USH2A: variants seen among roughly 807,000 people sequenced by gnomAD.
USH2A encodes Usher syndrome 2A (autosomal recessive, mild).
In USH2A, 443 loss-of-function variants were observed where a neutral mutation model predicts 538.9. The ratio of observed to expected loss-of-function variants is 0.82; its 90% CI spans 0.76 to 0.89. The LOEUF is 0.89. Ranked by LOEUF, USH2A falls within the 40% of genes least tolerant of loss-of-function variation. The pLI, the probability that USH2A is intolerant of heterozygous loss-of-function variation, is 0.00. For synonymous variants in USH2A, 2,413 were observed against 2,273.5 expected (o/e 1.06, Z -1.75); for missense variants, 6,633 against 6,324.8 (o/e 1.05, Z -1.65).
chr1:216,231,583 C>T (rs1416622656), intron 14 of USH2A, among the ~76,000 whole-genome samples: 1 of 151,166 alleles, frequency 6.6e-6, no homozygotes, highest in Non-Finnish European at 1.5e-5. Flanking sequence ...GAGTCTTGCC[C>T]TGTCTCCCAG....
intron 32 of USH2A, among the ~76,000 whole-genome samples, chr1:216,033,199 C>T (rs894596755): frequency 3.3e-5 from 5 of 152,190 alleles, no homozygotes; most frequent in Admixed American, 1.3e-4. Flanking sequence ...AAAAAGGAAA[C>T]TCTGTGGACC....
At chr1:216,373,525 G>T (rs186338993) in intron 3 of USH2A, among the ~76,000 whole-genome samples, 219 of 152,222 alleles carry the variant, frequency 1.4e-3, no homozygotes, top group African/African-American at 5.0e-3. Context: ...GTAGTACAAA[G>T]AATTTTTTCT....
At position 215,990,917 on chromosome 1, in the gene USH2A, A is replaced by AT. The variant is rs1330362542; in HGVS notation, c.6805+2102dup. ...GCTGGGACTACAGGCACCTGCCACT[A>AT]TGCCCGGCTAATTTTTTGTATTTTT... On this transcript the variant is annotated intron_variant, in intron 35 of 71. Coordinates refer to ENST00000307340, the MANE Select transcript of USH2A (RefSeq NM_206933.4). 3.3e-5 allele frequency among the ~76,000 whole-genome samples: 5 copies of AT among 151,846 alleles called. No homozygotes were observed. The East Asian group carries it at 7.7e-4, about 24-fold the overall frequency.
intron 33 of USH2A, 43 bp downstream of exon 33, chr1:216,000,360 C>A (rs1275431149): frequency 6.2e-7 from 1 of 1,612,316 alleles, no homozygotes; most frequent in Non-Finnish European, 8.5e-7. Context: ...CACTGAGATT[C>A]TTGCATGAAC....
intron 47 of USH2A, among the ~76,000 whole-genome samples, chr1:215,818,255 A>G (rs771811264): frequency 1.3e-5 from 2 of 151,840 alleles, no homozygotes; most frequent in African/African-American, 2.4e-5. Flanking sequence ...TCAAGAGTCA[A>G]CTATATATCT....
intron 64 of USH2A, among the ~76,000 whole-genome samples, chr1:215,653,491 A>T (rs770636552): frequency 6.6e-6 from 1 of 152,178 alleles, no homozygotes; most frequent in Non-Finnish European, 1.5e-5. Context: ...GGATCAACCT[A>T]TTTACATGAG....
intron 61 of USH2A, among the ~76,000 whole-genome samples, chr1:215,690,864 C>T (rs1038129125): frequency 1.1e-4 from 16 of 152,238 alleles, no homozygotes; most frequent in East Asian, 3.9e-4. Context: ...CTTTCCCACT[C>T]TCAGCACTGC....
At chr1:216,410,150 T>C (rs577960115) in intron 3 of USH2A, among the ~76,000 whole-genome samples, 44 of 132,050 alleles carry the variant, frequency 3.3e-4, no homozygotes, top group African/African-American at 1.7e-3. Context: ...CAATGAAAGA[T>C]ACCATCTCAC....
chr1:215,996,980 C>T (rs1190503105), intron 34 of USH2A, among the ~76,000 whole-genome samples: 5 of 152,018 alleles, frequency 3.3e-5, no homozygotes, highest in Admixed American at 6.6e-5. Context: ...AGCTCTTAGT[C>T]GACATGCTAA....
chr1:215,682,244 C>T (rs186915919), intron 61 of USH2A, among the ~76,000 whole-genome samples: 1 of 152,178 alleles, frequency 6.6e-6, no homozygotes, highest in African/African-American at 2.4e-5. Context: ...ATAGTAATCA[C>T]CTCTAACAGA....
intron 30 of USH2A, among the ~76,000 whole-genome samples, chr1:216,050,540 C>G (rs1485785037): frequency 7.2e-6 from 1 of 138,426 alleles, no homozygotes; most frequent in Non-Finnish European, 1.6e-5. Context: ...CCTCTACATG[C>G]TACTAGACAA....
At chr1:215,726,761 C>A (rs79660788) in intron 61 of USH2A, among the ~76,000 whole-genome samples, 378 of 152,270 alleles carry the variant, frequency 2.5e-3, no homozygotes, top group Non-Finnish European at 4.2e-3. Flanking sequence ...CATGAAGCAT[C>A]TTCAGTTTGA....
At position 216,418,597 on chromosome 1, in the gene USH2A, T is replaced by C. The variant is rs768142940; in HGVS notation, c.568A>G (p.Thr190Ala). 6.2e-7 allele frequency: 1 copy of C among 1,613,398 alleles called. No individual in the cohort carries two copies. The highest frequency in any genetic ancestry group is 1.7e-5 in the Admixed American group (1 of 59,914). The part of the protein sequence containing the change: ...SEKETMFYYR[T>A]VNGLQPPIKV... ...ATTGGAGGTTGCAAACCATTTACTG[T>C]GCGATAATAAAACATGGTCTCTTTC... The change falls in exon 3 of 72, where the codon ACA (threonine) becomes GCA (alanine). Residue 190 changes from threonine (T) to alanine (A), a missense_variant. Thr to Ala is a moderately conservative substitution (Grantham distance 58, BLOSUM62 0). Transcript: ENST00000307340.
intron 56 of USH2A, 77 bp downstream of exon 56, chr1:215,766,604 T>G (rs1041159414): frequency 6.2e-6 from 8 of 1,292,158 alleles, no homozygotes; most frequent in Non-Finnish European, 7.9e-6. Context: ...TTATTTGTTA[T>G]GAAGGAGTTT....
At position 215,995,444 on chromosome 1, in the gene USH2A, A is replaced by G. The variant is rs17025841; in HGVS notation, c.6658-2277T>C. 0.015 allele frequency among the ~76,000 whole-genome samples: 2,324 copies of G among 152,310 alleles called. 182 individuals are homozygous for G. The South Asian group carries it at 0.2, about 13-fold the overall frequency. ...TTTTGGATGCATTTAGAGGGTCCTA[A>G]GTAAGCAGGACATTATCTTAGTTCC... On this transcript the variant is annotated intron_variant, in intron 34 of 71. Coordinates refer to ENST00000307340, the MANE Select transcript of USH2A (RefSeq NM_206933.4).
At position 216,230,871 on chromosome 1, in the gene USH2A, A is replaced by ATC. The variant is rs1558331248; in HGVS notation, c.2993+1080_2993+1081dup. On this transcript the variant is annotated intron_variant, in intron 14 of 71. Coordinates refer to ENST00000307340, the MANE Select transcript of USH2A (RefSeq NM_206933.4). ...AGTCTGAACTTTAGACAAGCTCATA[A>ATC]TCTCACTCTCTCTCTCTCTCTCTCT... Among the ~76,000 whole-genome samples the ATC allele has an allele frequency of 8.0e-5, 6 of 74,992 alleles. No individual in the cohort carries two copies. The East Asian group carries it at 2.2e-3, about 28-fold the overall frequency. 49.2% of individuals were successfully genotyped at this position (74,992 alleles called of 152,430 possible).
chr1:216,043,135 C>T (rs1368806958), intron 32 of USH2A, among the ~76,000 whole-genome samples: 1 of 151,986 alleles, frequency 6.6e-6, no homozygotes, highest in Non-Finnish European at 1.5e-5. Context: ...AAAATATGAG[C>T]AACAAGCAGA....
At chr1:215,911,065 T>G (rs968114219) in intron 38 of USH2A, among the ~76,000 whole-genome samples, 1 of 151,586 alleles carries the variant, frequency 6.6e-6, no homozygotes, top group Admixed American at 6.6e-5. Context: ...ATTTTTTAAT[T>G]TTTTTTTAAT....
chr1:215,839,356 T>G (rs1344350360), intron 46 of USH2A, among the ~76,000 whole-genome samples: 1 of 152,216 alleles, frequency 6.6e-6, no homozygotes, highest in Non-Finnish European at 1.5e-5. Flanking sequence ...CCAAATATTA[T>G]AATGGATATA....
Sources: allele counts gnomAD v4.1 joint callset (sites outside exome capture counted in the v4.1 genomes callset), GRCh38; gene constraint gnomAD v4.1.1; transcripts MANE v1.5; gene names NCBI Gene and HGNC (gene_info 2026-07-23, HGNC 2026-07-21).